The following DNPEP variants were observed in gnomAD, a reference collection of about 807,000 sequenced individuals.
DNPEP encodes aspartyl aminopeptidase.
In DNPEP, 46 loss-of-function variants were observed where a neutral mutation model predicts 59.1. The ratio of observed to expected loss-of-function variants is 0.78; its 90% CI spans 0.61 to 0.99. DNPEP has a LOEUF of 0.99. Ranked by LOEUF, DNPEP falls within the 50% of genes least tolerant of loss-of-function variation. The pLI is 0.00. For synonymous variants in DNPEP, 229 were observed against 242.2 expected, an observed-to-expected ratio of 0.95 and a Z score of 0.50; for missense variants, 617 against 649.9, an observed-to-expected ratio of 0.95 and a Z score of 0.55.
At chr2:219,399,974 G>T (rs372150127) in exon 1 of DNPEP, 1 of 1,475,428 alleles carries the variant, frequency 6.8e-7, no homozygotes, top group Non-Finnish European at 9.2e-7. Context: ...GGCCTGAACC[G>T]TGTGCCTTTT....
At position 219,373,155 on chromosome 2, in the gene DNPEP, G is replaced by A. The variant is rs1444051191; in HGVS notation, c.*1137C>T. On this transcript the variant is annotated 3_prime_UTR_variant, in exon 15 of 15. Coordinates refer to ENST00000273075, the MANE Select transcript of DNPEP (RefSeq NM_012100.4). ...AGGATCTTGGCTCACCACAACCTCC[G>A]CCTCCTGGGTTCAAGCGATTCTCCT... Among the ~76,000 whole-genome samples, 2 of 151,342 alleles carry A rather than the reference G, an allele frequency of 1.3e-5. No individual in the cohort carries two copies. Among genetic ancestry groups the A allele is most frequent in the Admixed American group, 6.6e-5 (1 of 15,138 alleles).
At chr2:219,383,098 C>G (rs1953665488) in intron 10 of DNPEP, 33 bp downstream of exon 10, 3 of 1,598,962 alleles carry the variant, frequency 1.9e-6, no homozygotes, top group Non-Finnish European at 1.7e-6. Context: ...GAAGACTCCG[C>G]AGAGGTGACC....
At position 219,387,733 on chromosome 2, in the gene DNPEP, A is replaced by T. The variant is rs1295861972; in HGVS notation, c.36+26T>A. 5 of 1,607,534 alleles carry T rather than the reference A, an allele frequency of 3.1e-6. No homozygotes were observed. In the East Asian group the frequency reaches 6.8e-5, roughly 22 times the overall value. ...CGGACCCGGTCTGGGATCGAAATTC[A>T]AGTGGGGCCGTCGGGAGCCACTTAC... On this transcript the variant is annotated intron_variant, in intron 1 of 14. Coordinates refer to ENST00000273075, the MANE Select transcript of DNPEP (RefSeq NM_012100.4).
chr2:219,383,444 C>T (rs966493413), intron 9 of DNPEP, among the ~76,000 whole-genome samples: 2 of 151,634 alleles, frequency 1.3e-5, no homozygotes, highest in African/African-American at 4.8e-5. Flanking sequence ...AGGTAGAAAC[C>T]TTTAAGGTGT....
At position 219,375,002 on chromosome 2, in the gene DNPEP, G is replaced by T; in HGVS notation, c.1260C>A (p.Asp420Glu). The T allele has an allele frequency of 6.2e-7, 1 of 1,614,148 alleles. No individual in the cohort carries two copies. ...GTCCAATGGTGGTTCCACAGGGGGT[G>T]TCATTCCGGACCATGAGATCCTAGG... ...VPLQDLMVRN[D>E]TPCGTTIGPI... The change falls in exon 14 of 15, where the codon GAC becomes GAA. Residue 420 changes from aspartate (D) to glutamate (E), a missense_variant. Asp to Glu is a conservative substitution (Grantham distance 45). Coordinates refer to ENST00000273075, the MANE Select transcript of DNPEP (RefSeq NM_012100.4).
At chr2:219,386,612 C>T (rs972819259) in intron 4 of DNPEP, 53 bp downstream of exon 4, 161 of 1,539,628 alleles carry the variant, frequency 1.0e-4, no homozygotes, top group Non-Finnish European at 1.3e-4. Context: ...TCTCTTTTGC[C>T]CTGTACTCCC....
rs1953913654 is a variant in DNPEP, at chr2:219,387,754, C to T, written c.36+5G>A. On this transcript the variant is annotated splice_donor_5th_base_variant and intron_variant, in intron 1 of 14. Transcript: ENST00000273075. ...ATTCAAGTGGGGCCGTCGGGAGCCACTTACCTGCATGGCCCCGCGCGTGGG... is the reference window on the plus strand; with the variant it reads ...ATTCAAGTGGGGCCGTCGGGAGCCATTTACCTGCATGGCCCCGCGCGTGGG... The T allele has an allele frequency of 6.2e-7, 1 of 1,608,354 alleles. No individual in the cohort carries two copies. The highest frequency in any genetic ancestry group is 1.7e-5 in the Admixed American group (1 of 59,704).
Position 219,386,282 on chromosome 2 carries a change from C to A in DNPEP, c.459+4G>T. 7.4e-6 allele frequency: 12 copies of A among 1,614,180 alleles called. No individual in the cohort carries two copies. The highest frequency in any genetic ancestry group is 1.0e-5 in the Non-Finnish European group (12 of 1,180,022). On this transcript the variant is annotated splice_donor_region_variant and intron_variant, in intron 5 of 14. Coordinates refer to ENST00000273075, the MANE Select transcript of DNPEP (RefSeq NM_012100.4). ...GCTCCGCCATCCCCAACCTCGGTTC[C>A]CACCTTGACAATGACGCGTCCAGCC...
intron 1 of DNPEP, among the ~76,000 whole-genome samples, chr2:219,398,868 C>T (rs1954140341): frequency 6.6e-6 from 1 of 152,236 alleles, no homozygotes; most frequent in African/African-American, 2.4e-5. Flanking sequence ...TGATGCACCC[C>T]CTCCAGGTGG....
intron 9 of DNPEP, among the ~76,000 whole-genome samples, chr2:219,383,915 A>T (rs1953702772): frequency 6.6e-6 from 1 of 152,198 alleles, no homozygotes; most frequent in South Asian, 2.1e-4. Context: ...GGTGGGGAAT[A>T]TCAAGGTGAC....
chr2:219,384,499 C>G (rs1175700842), intron 8 of DNPEP, 56 bp from the exon 9 acceptor site: 4 of 1,476,780 alleles, frequency 2.7e-6, no homozygotes, highest in Non-Finnish European at 2.8e-6. Flanking sequence ...ACTCACCTTT[C>G]TTTTGCTCCC....
At chr2:219,374,394 A>G in intron 14 of DNPEP, 52 bp from the exon 15 acceptor site, 2 of 1,533,306 alleles carry the variant, frequency 1.3e-6, no homozygotes, top group South Asian at 2.2e-5. Flanking sequence ...CCAGATGGAG[A>G]TGTCCTGCCA....
At chr2:219,380,206 TTTTTTTTTTTTTGG>T (rs1362845166) in intron 13 of DNPEP, among the ~76,000 whole-genome samples, 14 of 149,448 alleles carry the variant, frequency 9.4e-5, no homozygotes, top group Non-Finnish European at 1.8e-4. Context: ...TCTTTTCTTT[TTTTTTTTTTTTTGG>T]TTTTGTTTTT....
In DNPEP at chr2:219,382,068, C is replaced by A. The variant is rs370242715; in HGVS notation, c.1008G>T (p.Ser336=). 6.2e-7 allele frequency: 1 copy of A among 1,614,074 alleles called. No homozygotes were observed. Among genetic ancestry groups the A allele is most frequent in the South Asian group, 1.1e-5 (1 of 91,082 alleles). ...TELVLRRISA[S]CQHPTAFEEA... Reference sequence around the variant, plus strand: ...CCTCGAAGGCTGTCGGGTGCTGGCACGAGGCTGAGATCCGCCGCAGCACCA... The same window carrying A: ...CCTCGAAGGCTGTCGGGTGCTGGCAAGAGGCTGAGATCCGCCGCAGCACCA... The change falls in exon 11 of 15, where the codon TCG becomes TCT. Residue 336 remains serine, a synonymous_variant. Coordinates refer to ENST00000273075, the MANE Select transcript of DNPEP (RefSeq NM_012100.4).
intron 1 of DNPEP, chr2:219,399,919 G>C: frequency 1.9e-6 from 3 of 1,550,524 alleles, no homozygotes; most frequent in Non-Finnish European, 2.6e-6. Context: ...GAGAGGCTCC[G>C]AGCCATGGTG....
At chr2:219,386,589 T>A (rs1295168876) in intron 4 of DNPEP, 76 bp downstream of exon 4, 1 of 1,477,774 alleles carries the variant, frequency 6.8e-7, no homozygotes, top group African/African-American at 1.4e-5. Flanking sequence ...GGCCCCAGTT[T>A]GTACCTCCTA....
chr2:219,395,018 C>T (rs183475658), intron 1 of DNPEP, among the ~76,000 whole-genome samples: 8 of 151,718 alleles, frequency 5.3e-5, no homozygotes, highest in East Asian at 1.9e-4. Context: ...TGCAGTGGTG[C>T]GATCTCGGTT....
intron 13 of DNPEP, among the ~76,000 whole-genome samples, chr2:219,377,138 G>A (rs1020850778): frequency 5.3e-5 from 8 of 151,752 alleles, no homozygotes; most frequent in East Asian, 1.9e-4. Context: ...GCTGGGCATC[G>A]TGGTGCACAC....
intron 8 of DNPEP, 154 bp downstream of exon 8, chr2:219,385,270 C>T (rs1170204718): frequency 5.0e-6 from 3 of 596,934 alleles, no homozygotes; most frequent in Non-Finnish European, 9.1e-6. Flanking sequence ...AGAACCACCG[C>T]CCTAGAAGCA....
Sources: gnomAD v4.1 joint callset for allele counts (sites outside exome capture counted in the v4.1 genomes callset) on GRCh38, gnomAD v4.1.1 for gene constraint, MANE v1.5 for transcripts, NCBI Gene and HGNC (gene_info 2026-07-23, HGNC 2026-07-21) for gene names.